Variants in PLIN5 observed in about 807,000 individuals in gnomAD.
PLIN5 encodes the protein perilipin 5.
A neutral mutation model predicts 32.8 loss-of-function variants in PLIN5; 34 were observed. The ratio of observed to expected loss-of-function variants is 1.04; its 90% CI spans 0.79 to 1.38. The LOEUF (loss-of-function observed/expected upper bound fraction) is 1.38. PLIN5 is among the 40% of genes most tolerant of loss of function. PLIN5 has a pLI of 0.00. For missense variants in PLIN5, 712 were observed against 660.5 expected, an observed-to-expected ratio of 1.08 and a Z score of -0.85; for synonymous variants, 309 against 292.9, an observed-to-expected ratio of 1.05 and a Z score of -0.56.
chr19:4,526,167 G>A (rs936101804), intron 5 of PLIN5, among the ~76,000 whole-genome samples: 1 of 152,136 alleles, frequency 6.6e-6, no homozygotes, highest in Non-Finnish European at 1.5e-5. Flanking sequence ...GATCCTGCAG[G>A]ATCCAAGAAG....
At position 4,529,867 on chromosome 19, in the gene PLIN5, C is replaced by G. The variant is rs747161287; in HGVS notation, c.257-1G>C. 21 of 1,595,232 alleles carry G rather than the reference C, an allele frequency of 1.3e-5. No individual in the cohort carries two copies. Among genetic ancestry groups the G allele is most frequent in the Non-Finnish European group, 1.8e-5 (21 of 1,166,948 alleles). On this transcript the variant is annotated splice_acceptor_variant, in intron 3 of 7. Transcript: ENST00000381848. LOFTEE classifies it high-confidence loss of function. ...CAGGCGAGGCTGTTCATAGTGGCCA[C>G]TGAAGGGAGAGAGGCGGGGAGTGAG... is the stretch of plus-strand genomic sequence containing the variant.
At chr19:4,529,481 T>TACACATATAC in intron 4 of PLIN5, 1 of 559,032 alleles carries the variant, frequency 1.8e-6, no homozygotes, top group East Asian at 2.9e-5. Context: ...TATACATATA[T>TACACATATAC]ACACATATAC....
At chr19:4,533,890 T>C in intron 2 of PLIN5, 125 bp downstream of exon 2, 3 of 1,156,248 alleles carry the variant, frequency 2.6e-6, no homozygotes, top group Non-Finnish European at 3.7e-6. Context: ...ACCAAAATAT[T>C]TTATGACTCA....
Position 4,523,685 on chromosome 19 carries a change from C to CA in PLIN5, c.1234dup (p.Trp412LeufsTer86), listed in dbSNP as rs1379089054. 2 of 1,607,420 alleles carry CA rather than the reference C, an allele frequency of 1.2e-6. No individual in the cohort carries two copies. The highest frequency in any genetic ancestry group is 2.7e-5 in the African/African-American group (2 of 74,890). On this transcript the variant is annotated frameshift_variant, in exon 8 of 8. Transcript: ENST00000381848. LOFTEE classifies it low-confidence loss of function (END_TRUNC). The surrounding 1 kb of genome is among the most constrained non-coding windows in gnomAD (Gnocchi z 5.0). ...CTCCCAGGCTCTCTGCTGGGCCGGC[C>CA]AGTCCAGGTGCGCCCAGCGGGGGTC...
intron 5 of PLIN5, 146 bp downstream of exon 5, chr19:4,528,927 A>G: frequency 1.2e-6 from 1 of 838,142 alleles, no homozygotes; most frequent in Non-Finnish European, 1.8e-6. Flanking sequence ...AGTGACCGGG[A>G]GGGAGGACAG....
Position 4,525,485 on chromosome 19 carries a change from C to G in PLIN5, c.720+148G>C. 1.0e-6 allele frequency: 1 copy of G among 964,646 alleles called. No individual in the cohort carries two copies. Among genetic ancestry groups the G allele is most frequent in the South Asian group, 1.7e-5 (1 of 59,166 alleles). 59.8% of individuals were successfully genotyped at this position (964,646 alleles called of 1,614,324 possible). A position where few individuals can be genotyped will look rare whatever the true frequency, so the allele number is the denominator to read the frequency against. On this transcript the variant is annotated intron_variant, in intron 6 of 7. Transcript: ENST00000381848. The surrounding 1 kb of genome is among the most constrained non-coding windows in gnomAD (Gnocchi z 5.6). ...TCCCTGGGCTCCTCCAGGCCCGGGT[C>G]CCCCAGCCCTGAACACATGCAGCTG...
In PLIN5 at chr19:4,525,521, C is replaced by T; in HGVS notation, c.720+112G>A. 3.8e-6 allele frequency: 5 copies of T among 1,313,010 alleles called. No homozygotes were observed. Among genetic ancestry groups the T allele is most frequent in the Non-Finnish European group, 2.1e-6 (2 of 956,258 alleles). The allele number at this position is 1,313,010 out of a possible 1,614,324, so 81.3% of individuals were successfully genotyped here. On this transcript the variant is annotated intron_variant, in intron 6 of 7. Transcript: ENST00000381848. This position sits in a 1 kb window ranked among gnomAD's most constrained non-coding sequence, Gnocchi z 5.6. ...GAACACATGCAGCTGGAGACAGCTGCACCCAGCTCCGCCTCCTGCTTTAGG... is the reference window on the plus strand; with the variant it reads ...GAACACATGCAGCTGGAGACAGCTGTACCCAGCTCCGCCTCCTGCTTTAGG...
rs1568244943 is a variant in PLIN5, at chr19:4,529,113, C to G, written c.480G>C (p.Glu160Asp). Residue 160 changes from glutamate (E) to aspartate (D), a missense_variant, in exon 5 of 8, where the codon GAG becomes GAC. Transcript: ENST00000381848. ...AVDVVLEKSE[E>D]LVDHFLPMTE... ...TCATGGGCAGGAAGTGATCCACCAG[C>G]TCCTCTGATTTTTCCAGTACAACAT... The G allele has an allele frequency of 1.9e-6, 3 of 1,613,338 alleles. No homozygotes were observed. The highest frequency in any genetic ancestry group is 1.3e-5 in the African/African-American group (1 of 74,908).
chr19:4,531,876 C>T, intron 2 of PLIN5, 54 bp from the exon 3 acceptor site: 2 of 1,446,258 alleles, frequency 1.4e-6, no homozygotes, highest in Non-Finnish European at 1.8e-6. Flanking sequence ...GCCCTAGCCA[C>T]ACCTCAACCT....
rs756800955 is a variant in PLIN5 at position 4,529,562 on chromosome 19, TTATACGTATATATACATATATACAC to T, written c.339+197_339+221del. 221 of 478,298 alleles carry T rather than the reference TTATACGTATATATACATATATACAC, an allele frequency of 4.6e-4. 2 individuals are homozygous for T. The highest frequency in any genetic ancestry group is 1.1e-3 in the Middle Eastern group (2 of 1,902). The allele number at this position is 478,298 out of a possible 1,614,324, so 29.6% of individuals were successfully genotyped here. On this transcript the variant is annotated intron_variant, in intron 4 of 7. Coordinates refer to ENST00000381848, the MANE Select transcript of PLIN5 (RefSeq NM_001013706.3). ...CTTATACGTATATATACATATATACTTATACGTATATATACATATATACACTATACGTATATACATATATGTATAC... is the reference window on the plus strand; with the variant it reads ...CTTATACGTATATATACATATATACTTATACGTATATACATATATGTATAC...
chr19:4,535,118 C>T (rs1010594459), intron 1 of PLIN5, 47 bp downstream of exon 1: 3 of 150,796 alleles, frequency 2.0e-5, no homozygotes, highest in Admixed American at 1.3e-4. Flanking sequence ...GAGCTCCTCT[C>T]CTAAGCCCGG....
intron 5 of PLIN5, among the ~76,000 whole-genome samples, chr19:4,527,536 T>A (rs1976820087): frequency 2.1e-5 from 1 of 48,296 alleles, no homozygotes; most frequent in Non-Finnish European, 3.8e-5. Flanking sequence ...GAGACTCCAC[T>A]TCAAAAAAAA....
chr19:4,531,555 A>C (rs919121427), intron 3 of PLIN5, 72 bp downstream of exon 3: 15 of 1,396,836 alleles, frequency 1.1e-5, no homozygotes, highest in Non-Finnish European at 1.4e-5. Context: ...AGATAGACCA[A>C]GGAGGATGGG....
chr19:4,525,749 C>A lies in PLIN5; in HGVS notation c.604G>T (p.Gly202Cys), dbSNP rs116972497. The change falls in exon 6 of 8, where the codon GGC becomes TGC. Residue 202 changes from glycine to cysteine, a missense_variant. Physicochemically the swap from Gly to Cys is radical, Grantham distance 159. Coordinates refer to ENST00000381848, the MANE Select transcript of PLIN5 (RefSeq NM_001013706.3). This position sits in a 1 kb window ranked among gnomAD's most constrained non-coding sequence, Gnocchi z 5.6. ...TGGCGGATCCGTGCTGACAGGGAGC[C>A]GAGGCGCACAAAGTAGCCCTGCTGT... ...RRQQGYFVRL[G>C]SLSARIRHLA... 101 of 1,613,546 alleles carry A rather than the reference C, an allele frequency of 6.3e-5. No individual in the cohort carries two copies. Among genetic ancestry groups the A allele is most frequent in the Non-Finnish European group, 7.5e-5 (89 of 1,180,044 alleles).
chr19:4,524,954 CG>C lies in PLIN5; in HGVS notation c.834+8del. 1 of 1,529,472 alleles carries C rather than the reference CG, an allele frequency of 6.5e-7. No individual in the cohort carries two copies. The highest frequency in any genetic ancestry group is 8.8e-7 in the Non-Finnish European group (1 of 1,138,034). The allele number at this position is 1,529,472 out of a possible 1,614,324, so 94.7% of individuals were successfully genotyped here. A position where few individuals can be genotyped will look rare whatever the true frequency, so the allele number is the denominator to read the frequency against. On this transcript the variant is annotated splice_region_variant and intron_variant, in intron 7 of 7. Coordinates refer to ENST00000381848, the MANE Select transcript of PLIN5 (RefSeq NM_001013706.3). ...GACACCACCTCACCTGGCACTCCTG[CG>C]GTCTCACCTGGCTCCGGCGGCGGCT...
rs763460043 is a variant in PLIN5 at position 4,525,830 on chromosome 19, C to G, written c.523G>C (p.Ala175Pro). 6.2e-6 allele frequency: 10 copies of G among 1,611,218 alleles called. No homozygotes were observed. The Admixed American group carries it at 1.7e-4, about 27-fold the overall frequency. The change falls in exon 6 of 8, where the codon GCA becomes CCA. Residue 175 changes from alanine to proline, a missense_variant and splice_region_variant. Transcript: ENST00000381848. The surrounding 1 kb of genome is among the most constrained non-coding windows in gnomAD (Gnocchi z 5.6). Reference sequence around the variant, plus strand: ...GGGCCTTCAGCCTCAGCCGCCAGTGCCGCTGGAGGACAGGATACGGGGACA... The same window carrying G: ...GGGCCTTCAGCCTCAGCCGCCAGTGGCGCTGGAGGACAGGATACGGGGACA... Reference protein sequence around the residue: ...FLPMTEEELAALAAEAEGPEV... With the variant: ...FLPMTEEELAPLAAEAEGPEV...
At chr19:4,527,996 A>AC (rs1436241317) in intron 5 of PLIN5, among the ~76,000 whole-genome samples, 1 of 147,238 alleles carries the variant, frequency 6.8e-6, no homozygotes, top group Non-Finnish European at 1.5e-5. Flanking sequence ...TGCAAGCTCC[A>AC]CCCCCCGGGT....
chr19:4,533,853 C>A, intron 2 of PLIN5, 162 bp downstream of exon 2: 1 of 782,566 alleles, frequency 1.3e-6, no homozygotes, highest in Non-Finnish European at 2.0e-6. Flanking sequence ...TAAGCCCCCA[C>A]TAGGAAATAG....
At position 4,525,874 on chromosome 19, in the gene PLIN5, GGGACAGCACGGGGACAGGA is replaced by G; in HGVS notation, c.521-61_521-43del. On this transcript the variant is annotated intron_variant, in intron 5 of 7. Transcript: ENST00000381848. This position sits in a 1 kb window ranked among gnomAD's most constrained non-coding sequence, Gnocchi z 5.6. ...GGGGACAGCACGGGGACAGGATACG[GGGACAGCACGGGGACAGGA>G]TACGGGGACAGCACGGGGACAGGAT... 1 of 1,102,634 alleles carries G rather than the reference GGGACAGCACGGGGACAGGA, an allele frequency of 9.1e-7. No individual in the cohort carries two copies. Among genetic ancestry groups the G allele is most frequent in the South Asian group, 1.5e-5 (1 of 67,128 alleles). The allele number at this position is 1,102,634 out of a possible 1,614,324, so 68.3% of individuals were successfully genotyped here. A position where few individuals can be genotyped will look rare whatever the true frequency, so the allele number is the denominator to read the frequency against.
Sources: allele counts gnomAD v4.1 joint callset (sites outside exome capture counted in the v4.1 genomes callset), GRCh38; gene constraint gnomAD v4.1.1; non-coding constraint Gnocchi (gnomAD v3.1); transcripts MANE v1.5; gene names NCBI Gene and HGNC (gene_info 2026-07-23, HGNC 2026-07-21).